The following POU2F2 variants were observed in gnomAD, a reference collection of about 807,000 sequenced individuals.
POU2F2 encodes POU class 2 homeobox 2.
A neutral mutation model predicts 63.5 loss-of-function variants in POU2F2; 14 were observed. The observed-to-expected ratio is 0.22, with a 90% CI of 0.15 to 0.34. The LOEUF is 0.34. POU2F2 is among the 10% of genes least tolerant of loss of function. The pLI is 1.00. For missense variants in POU2F2, 607 were observed against 815.2 expected (o/e 0.74, Z 3.11); for synonymous variants, 306 against 348.6 (o/e 0.88, Z 1.36).
At chr19:42,093,992 G>C in intron 11 of POU2F2, 97 bp from the exon 12 acceptor site, 2 of 1,025,068 alleles carry the variant, frequency 2.0e-6, no homozygotes, top group South Asian at 3.0e-5. Flanking sequence ...CAGGATGGGG[G>C]CAGGGGGCTT....
intron 1 of POU2F2, among the ~76,000 whole-genome samples, chr19:42,164,062 A>C (rs540123962): frequency 1.3e-5 from 2 of 152,254 alleles, no homozygotes; most frequent in African/African-American, 4.8e-5. Flanking sequence ...AAAATAAATA[A>C]ATTTGGAACA....
intron 7 of POU2F2, among the ~76,000 whole-genome samples, chr19:42,098,807 T>A (rs1436536224): frequency 6.6e-6 from 1 of 152,130 alleles, no homozygotes; most frequent in Non-Finnish European, 1.5e-5. Flanking sequence ...TCATAAAAGG[T>A]AGTGAAAATT....
chr19:42,166,280 C>T (rs1420592516), intron 1 of POU2F2, among the ~76,000 whole-genome samples: 1 of 151,796 alleles, frequency 6.6e-6, no homozygotes, highest in African/African-American at 2.4e-5. Flanking sequence ...CAGCACTGGG[C>T]ACCAGGTCTC....
At chr19:42,141,534 T>C (rs538269475) in intron 2 of POU2F2, among the ~76,000 whole-genome samples, 1 of 140,284 alleles carries the variant, frequency 7.1e-6, no homozygotes, top group East Asian at 2.1e-4. Context: ...CAGGCTGGAG[T>C]GCAATGGCAC....
chr19:42,101,562 A>G (rs1030600433), intron 5 of POU2F2, among the ~76,000 whole-genome samples: 3 of 152,040 alleles, frequency 2.0e-5, no homozygotes, highest in Non-Finnish European at 2.9e-5. Flanking sequence ...TTCCCTCACA[A>G]CCCTGCTGAC....
chr19:42,131,890 C>T (rs1024617806), intron 1 of POU2F2, among the ~76,000 whole-genome samples: 1 of 152,028 alleles, frequency 6.6e-6, no homozygotes, highest in African/African-American at 2.4e-5. Flanking sequence ...ACAACAGCCC[C>T]CTACACTCAC....
At chr19:42,140,009 TG>T (rs1568410663) in intron 2 of POU2F2, among the ~76,000 whole-genome samples, 1 of 152,216 alleles carries the variant, frequency 6.6e-6, no homozygotes, top group Non-Finnish European at 1.5e-5. Flanking sequence ...CCCCAAAGCT[TG>T]TGCTTCAGCT....
At chr19:42,132,685 A>G (rs77937219), upstream of POU2F2, 1,631 of 393,330 alleles carry the variant, frequency 4.1e-3, 41 homozygotes, top group East Asian at 0.046. Flanking sequence ...GGTGCCTGCA[A>G]CAGTTGCCCC....
intron 1 of POU2F2, among the ~76,000 whole-genome samples, chr19:42,127,620 A>G (rs2033326417): frequency 6.6e-6 from 1 of 151,966 alleles, no homozygotes; most frequent in South Asian, 2.1e-4. Context: ...TGACCTCATG[A>G]TCTGCCCACC....
At chr19:42,179,431 T>G (rs2034935215), upstream of POU2F2, among the ~76,000 whole-genome samples, 1 of 151,046 alleles carries the variant, frequency 6.6e-6, no homozygotes, top group African/African-American at 2.4e-5. Context: ...TCCCGCCCCC[T>G]GCAGGCGGGG....
intron 5 of POU2F2, chr19:42,110,793 T>C (rs928988558): frequency 2.2e-6 from 1 of 454,322 alleles, no homozygotes; most frequent in African/African-American, 2.0e-5. Flanking sequence ...ATGTGTAGAA[T>C]GTTTAGCCTG....
chr19:42,175,126 A>C (rs2034847828), intron 1 of POU2F2, among the ~76,000 whole-genome samples: 1 of 152,124 alleles, frequency 6.6e-6, no homozygotes, highest in Non-Finnish European at 1.5e-5. Context: ...GTCGACAGCC[A>C]TGAGCCCTCA....
chr19:42,187,456 C>CAAAAA (rs35993667), intron 1 of POU2F2, among the ~76,000 whole-genome samples: 4 of 48,932 alleles, frequency 8.2e-5, no homozygotes, highest in Non-Finnish European at 1.6e-4. Context: ...GACTCTGTCT[C>CAAAAA]AAAAAAAAAA....
chr19:42,143,037 C>A (rs2034160688), intron 2 of POU2F2, among the ~76,000 whole-genome samples: 1 of 152,166 alleles, frequency 6.6e-6, no homozygotes, highest in Non-Finnish European at 1.5e-5. Context: ...CATCTCCACC[C>A]AAGTGGTGAA....
In POU2F2 at chr19:42,099,709, G is replaced by A. The variant is rs1296345348; in HGVS notation, c.475+7C>T. 2 of 1,595,910 alleles carry A rather than the reference G, an allele frequency of 1.3e-6. No individual in the cohort carries two copies. Among genetic ancestry groups the A allele is most frequent in the Non-Finnish European group, 1.7e-6 (2 of 1,170,654 alleles). ...GTCAGGGAGGCCATCTGGGGTGGGGGCCTTACCTGGCTGGCTCTGCTGGGC... is the reference window on the plus strand; with the variant it reads ...GTCAGGGAGGCCATCTGGGGTGGGGACCTTACCTGGCTGGCTCTGCTGGGC... On this transcript the variant is annotated splice_region_variant and intron_variant, in intron 6 of 14. Coordinates refer to ENST00000692977, the MANE Select transcript of POU2F2 (RefSeq NM_001394376.1).
chr19:42,192,157 G>A (rs2035081551), intron 1 of POU2F2, among the ~76,000 whole-genome samples: 1 of 152,172 alleles, frequency 6.6e-6, no homozygotes, highest in Admixed American at 6.5e-5. Context: ...AGACTGTGAG[G>A]CTAGATCATT....
At chr19:42,093,992 G>T in intron 11 of POU2F2, 97 bp from the exon 12 acceptor site, 1 of 1,025,060 alleles carries the variant, frequency 9.8e-7, no homozygotes, top group Non-Finnish European at 1.5e-6. Context: ...CAGGATGGGG[G>T]CAGGGGGCTT....
exon 1 of POU2F2, chr19:42,196,583 G>A (rs1380792502): frequency 6.6e-6 from 1 of 152,314 alleles, no homozygotes; most frequent in Admixed American, 6.5e-5. Context: ...CATGGGCTCC[G>A]ATCTCCTGTG....
chr19:42,104,601 C>G lies in POU2F2; in HGVS notation c.370-4780G>C, dbSNP rs143853583. Among the ~76,000 whole-genome samples, 76 of 152,134 alleles carry G rather than the reference C, an allele frequency of 5.0e-4. 2 individuals carry two copies. The East Asian group carries it at 0.011, about 22-fold the overall frequency. On this transcript the variant is annotated intron_variant, in intron 5 of 14. Coordinates refer to ENST00000692977, the MANE Select transcript of POU2F2 (RefSeq NM_001394376.1). ...GCAGGATGTCCTGTTGAGTGGAAAG[C>G]TCAAGAGGCAGAACAGAGGGTATGA...
Sources: gnomAD v4.1 joint callset for allele counts (sites outside exome capture counted in the v4.1 genomes callset) on GRCh38, gnomAD v4.1.1 for gene constraint, MANE v1.5 for transcripts, NCBI Gene and HGNC (gene_info 2026-07-23, HGNC 2026-07-21) for gene names.